The following ZNF600 variants were observed in gnomAD, a reference collection of about 807,000 sequenced individuals.
ZNF600 encodes the protein zinc finger protein KR-ZNF1.
ZNF600 carries 4 observed loss-of-function variants against 7.3 expected under a neutral mutation model. That is an observed-to-expected ratio of 0.55 (90% CI 0.27 to 1.25). The LOEUF is 1.25. ZNF600 is among the 50% of genes most tolerant of loss of function. The pLI, the probability that ZNF600 is intolerant of heterozygous loss-of-function variation, is 0.12. For missense variants in ZNF600, 911 were observed against 922.1 expected (o/e 0.99, Z 0.16); for synonymous variants, 290 against 308.9 (o/e 0.94, Z 0.64).
At chr19:52,808,567 G>C in the ZNF600 span, among the ~76,000 whole-genome samples, 5 of 151,458 alleles carry the variant, frequency 3.3e-5, no homozygotes, top group African/African-American at 1.2e-4. Flanking sequence ...CTGGGAGGCA[G>C]AGGTTGCAGA....
At chr19:52,793,349 T>C in the ZNF600 span, among the ~76,000 whole-genome samples, 3 of 152,310 alleles carry the variant, frequency 2.0e-5, no homozygotes, top group East Asian at 5.8e-4. Context: ...CTGAGATCTG[T>C]CTGAGATTTT....
chr19:52,771,516 C>T (rs1350690844), intron 3 of ZNF600, among the ~76,000 whole-genome samples: 3 of 152,126 alleles, frequency 2.0e-5, no homozygotes, highest in Admixed American at 6.5e-5. Context: ...CTCTGTCACC[C>T]GGGCTGGAGT....
chr19:52,792,958 G>A, the ZNF600 span, among the ~76,000 whole-genome samples: 10 of 149,694 alleles, frequency 6.7e-5, no homozygotes, highest in African/African-American at 1.2e-4. Flanking sequence ...GGATGGTCTC[G>A]ATCTCCTGAC....
chr19:52,776,860 G>T (rs2062679844), intron 2 of ZNF600, among the ~76,000 whole-genome samples: 1 of 152,022 alleles, frequency 6.6e-6, no homozygotes, highest in African/African-American at 2.4e-5. Context: ...TACCCACGTG[G>T]TGGCCCACCT....
the ZNF600 span, among the ~76,000 whole-genome samples, chr19:52,820,778 TTTC>T: frequency 2.0e-5 from 3 of 152,310 alleles, no homozygotes; most frequent in South Asian, 2.1e-4. Flanking sequence ...CTCCTCCTGC[TTTC>T]TTATCTTTTA....
the ZNF600 span, among the ~76,000 whole-genome samples, chr19:52,812,143 G>T: frequency 8.1e-6 from 1 of 123,832 alleles, no homozygotes; most frequent in South Asian, 2.8e-4. Flanking sequence ...GAGGGTGGTG[G>T]GGGGGTCAGC....
rs146948677 is a variant in ZNF600, at chr19:52,771,991, C to A, written c.190+2584G>T. Among the ~76,000 whole-genome samples, 468 of 152,284 alleles carry A rather than the reference C, an allele frequency of 3.1e-3. 1 individual carries two copies. Among genetic ancestry groups the A allele is most frequent in the African/African-American group, 0.011 (456 of 41,538 alleles). On this transcript the variant is annotated intron_variant, in intron 3 of 3. Transcript: ENST00000648973. ...ATCTCATCATCAACATCACTGAAGG[C>A]TGACAAATCTTATTAAACAAAGGAA...
rs552671922 is a variant in ZNF600, at chr19:52,774,534, A to C, written c.190+41T>G. Reference sequence around the variant, plus strand: ...AAACCAGGAAGGGCCAAGATAGACAAGAGCAGACTCCTCATGTCTGGGGGA... The same window carrying C: ...AAACCAGGAAGGGCCAAGATAGACACGAGCAGACTCCTCATGTCTGGGGGA... On this transcript the variant is annotated intron_variant, in intron 3 of 3. Coordinates refer to ENST00000648973, the Ensembl canonical transcript of ZNF600. The C allele has an allele frequency of 9.1e-6, 9 of 984,756 alleles. No homozygotes were observed. The African/African-American group carries it at 1.2e-4, about 13-fold the overall frequency. The allele number at this position is 984,756 out of a possible 1,614,324, so 61.0% of individuals were successfully genotyped here. A position where few individuals can be genotyped will look rare whatever the true frequency, so the allele number is the denominator to read the frequency against.
chr19:52,795,863 G>A, the ZNF600 span, among the ~76,000 whole-genome samples: 1 of 147,052 alleles, frequency 6.8e-6, no homozygotes, highest in Admixed American at 6.8e-5. Flanking sequence ...ACAGCACCTG[G>A]CTTTTTTTTT....
At position 52,765,843 on chromosome 19, in the gene ZNF600, TAA is replaced by T. The variant is rs750558756; in HGVS notation, c.2118_2119del (p.Tyr707GlnfsTer3). The stretch of plus-strand genomic sequence containing the variant: ...AACTTTGTCACATGTTTCACATTTG[TAA>T]AGTTTCTCCCCAGCATGAATTCTAT... On this transcript the variant is annotated frameshift_variant, in exon 4 of 4. Coordinates refer to ENST00000648973, the Ensembl canonical transcript of ZNF600. LOFTEE classifies it low-confidence loss of function (END_TRUNC). The T allele has an allele frequency of 1.1e-5, 17 of 1,613,914 alleles. No homozygotes were observed. The highest frequency in any genetic ancestry group is 1.4e-5 in the Non-Finnish European group (17 of 1,179,880).
chr19:52,829,180 C>CTTTTT, the ZNF600 span, among the ~76,000 whole-genome samples: 1 of 140,664 alleles, frequency 7.1e-6, no homozygotes, highest in African/African-American at 2.7e-5. Flanking sequence ...TTATTTTTTT[C>CTTTTT]TTTTTTTATT....
At chr19:52,817,485 A>C in the ZNF600 span, among the ~76,000 whole-genome samples, 1 of 152,166 alleles carries the variant, frequency 6.6e-6, no homozygotes, top group Non-Finnish European at 1.5e-5. Flanking sequence ...TCACTCAATT[A>C]CCTAAAAATG....
the ZNF600 span, among the ~76,000 whole-genome samples, chr19:52,813,279 T>C: frequency 1.4e-5 from 1 of 72,572 alleles, no homozygotes; most frequent in Non-Finnish European, 2.6e-5. Flanking sequence ...AAAGACATAC[T>C]GTGGAAGGAC....
chr19:52,833,506 GGAAA>G, the ZNF600 span, among the ~76,000 whole-genome samples: 1 of 152,164 alleles, frequency 6.6e-6, no homozygotes, highest in Non-Finnish European at 1.5e-5. Flanking sequence ...GTTTCAGAAA[GGAAA>G]GAGACAGATT....
chr19:52,786,533 G>A (rs1255253592), intron 1 of ZNF600, 62 bp downstream of exon 1: 1 of 165,738 alleles, frequency 6.0e-6, no homozygotes, highest in Non-Finnish European at 1.4e-5. Flanking sequence ...CAGAAAGACC[G>A]GGGACGGGAC....
the ZNF600 span, chr19:52,809,913 G>C: frequency 2.4e-6 from 2 of 836,624 alleles, no homozygotes; most frequent in East Asian, 2.7e-5. Flanking sequence ...TCTTGTGCCC[G>C]GGGCCGGTGG....
the ZNF600 span, chr19:52,800,170 C>T: frequency 6.2e-7 from 1 of 1,613,286 alleles, no homozygotes; most frequent in South Asian, 1.1e-5. Context: ...CGACTGAAAA[C>T]TTTCTCACAT....
chr19:52,815,282 G>GA, the ZNF600 span, among the ~76,000 whole-genome samples: 1 of 144,574 alleles, frequency 6.9e-6, no homozygotes, highest in Non-Finnish European at 1.5e-5. Flanking sequence ...TTGGGAGGCT[G>GA]AGGCTGCTGG....
the ZNF600 span, among the ~76,000 whole-genome samples, chr19:52,792,909 TG>T: frequency 6.6e-6 from 1 of 151,102 alleles, no homozygotes; most frequent in Non-Finnish European, 1.5e-5. Flanking sequence ...ATTTTTTTTT[TG>T]TATTGTTAGT....
Sources: allele counts gnomAD v4.1 joint callset (sites outside exome capture counted in the v4.1 genomes callset), GRCh38; gene constraint gnomAD v4.1.1; transcripts MANE v1.5; gene names NCBI Gene and HGNC (gene_info 2026-07-23, HGNC 2026-07-21).